EPHA2: variants seen among roughly 807,000 people sequenced by gnomAD.
EPHA2 encodes the protein EPH receptor A2.
In EPHA2, 54 loss-of-function variants were observed where a neutral mutation model predicts 104.9. That is an observed-to-expected ratio of 0.51 (90% CI 0.41 to 0.65). EPHA2 has a LOEUF of 0.65. Ranked by LOEUF, EPHA2 falls within the 30% of genes least tolerant of loss-of-function variation. The probability of loss-of-function intolerance (pLI) is 0.00; values close to 1 mark genes in which losing one functional copy is unlikely to be tolerated. For missense variants in EPHA2, 1,117 were observed against 1,369.5 expected (o/e 0.82, Z 2.91); for synonymous variants, 560 against 559.1 (o/e 1.00, Z -0.02).
chr1:16,155,024 C>T (rs1481916664), intron 1 of EPHA2, among the ~76,000 whole-genome samples: 6 of 152,102 alleles, frequency 3.9e-5, no homozygotes, highest in African/African-American at 1.4e-4. Context: ...GTCTGCGGCC[C>T]CTCACTCGGC....
rs115050365 is a variant in EPHA2 at position 16,129,364 on chromosome 1, G to T, written c.2825+70C>A. On this transcript the variant is annotated intron_variant, in intron 16 of 16. Coordinates refer to ENST00000358432, the MANE Select transcript of EPHA2 (RefSeq NM_004431.5). ...ATTGAGGGGCAGGGAAGAGGGCTGG[G>T]GGGGGCATGGAGGCAGCCTCTGGAG... 8.7e-4 allele frequency: 1,358 copies of T among 1,557,966 alleles called. 12 individuals carry two copies. In the African/African-American group the frequency reaches 0.015, roughly 18 times the overall value.
chr1:16,140,759 C>T (rs1296285762), intron 3 of EPHA2, among the ~76,000 whole-genome samples: 1 of 152,224 alleles, frequency 6.6e-6, no homozygotes, highest in East Asian at 1.9e-4. Flanking sequence ...GCTGGAACTA[C>T]AGGCACCGGC....
chr1:16,150,593 T>C lies in EPHA2; in HGVS notation c.153+303A>G, dbSNP rs2025015172. On this transcript the variant is annotated intron_variant, in intron 2 of 16. Coordinates refer to ENST00000358432, the MANE Select transcript of EPHA2 (RefSeq NM_004431.5). The surrounding 1 kb of genome is among the most constrained non-coding windows in gnomAD (Gnocchi z 4.8). ...GTGGATGGGTGGTGCCAGAGATCCC[T>C]CTGACTGTCAGCCCTTCTGGAACAT... Among the ~76,000 whole-genome samples the C allele has an allele frequency of 6.6e-6, 1 of 152,192 alleles. No individual in the cohort carries two copies. The highest frequency in any genetic ancestry group is 2.4e-5 in the African/African-American group (1 of 41,452).
rs1557505623 is a variant in EPHA2 at position 16,135,022 on chromosome 1, G to T, written c.1582+14C>A. 1 of 1,611,024 alleles carries T rather than the reference G, an allele frequency of 6.2e-7. No homozygotes were observed. Among genetic ancestry groups the T allele is most frequent in the Admixed American group, 1.7e-5 (1 of 60,024 alleles). ...GGCCCTGGCCTGGTCCATGCCCAGG[G>T]TCCCCCAACTCACACAGCGTCTGGA... On this transcript the variant is annotated intron_variant, in intron 7 of 16. Coordinates refer to ENST00000358432, the MANE Select transcript of EPHA2 (RefSeq NM_004431.5). The surrounding 1 kb of genome is among the most constrained non-coding windows in gnomAD (Gnocchi z 4.3).
Position 16,134,445 on chromosome 1 carries a change from CCAGGGTATGGGCT to C in EPHA2, c.1682+10_1682+22del. On this transcript the variant is annotated intron_variant, in intron 8 of 16. Coordinates refer to ENST00000358432, the MANE Select transcript of EPHA2 (RefSeq NM_004431.5). This position sits in a 1 kb window ranked among gnomAD's most constrained non-coding sequence, Gnocchi z 4.5. ...TTTTCCCACCCAAGCCCATGTGGAG[CCAGGGTATGGGCT>C]CTGACGAACCTGCGGTGGATAAAGA... 2 of 1,612,226 alleles carry C rather than the reference CCAGGGTATGGGCT, an allele frequency of 1.2e-6. No homozygotes were observed.
In EPHA2 at chr1:16,132,386, AC is replaced by A. The variant is rs1232588744; in HGVS notation, c.2106del (p.Lys702AsnfsTer26). ...ACAACCCACATCCTTACCCGAAGGA[AC>A]TTGTCCAGGGCCCCATTCTCCATGT... ...TEYMENGALD[K>X]FLREKDGEFS... is the part of the protein sequence containing the mutation. On this transcript the variant is annotated frameshift_variant, in exon 12 of 17. Coordinates refer to ENST00000358432, the MANE Select transcript of EPHA2 (RefSeq NM_004431.5). LOFTEE classifies it high-confidence loss of function. The A allele has an allele frequency of 6.2e-7, 1 of 1,614,008 alleles. No homozygotes were observed. The highest frequency in any genetic ancestry group is 8.5e-7 in the Non-Finnish European group (1 of 1,180,012).
rs2024569862 is a variant in EPHA2, at chr1:16,131,579, T to C, written c.2475+142A>G. On this transcript the variant is annotated intron_variant, in intron 14 of 16. Coordinates refer to ENST00000358432, the MANE Select transcript of EPHA2 (RefSeq NM_004431.5). This position sits in a 1 kb window ranked among gnomAD's most constrained non-coding sequence, Gnocchi z 5.2. ...TGGGCAACAAGAGCAAAACTCCGTC[T>C]CCAAAAAAAAAAAATAAACATTTAT... is the stretch of plus-strand genomic sequence containing the variant. The C allele has an allele frequency of 1.7e-6, 2 of 1,184,560 alleles. No homozygotes were observed. Among genetic ancestry groups the C allele is most frequent in the South Asian group, 1.6e-5 (1 of 63,486 alleles). The allele number at this position is 1,184,560 out of a possible 1,614,324, so 73.4% of individuals were successfully genotyped here. A position where few individuals can be genotyped will look rare whatever the true frequency, so the allele number is the denominator to read the frequency against.
intron 3 of EPHA2, among the ~76,000 whole-genome samples, chr1:16,143,563 G>A (rs752176835): frequency 1.3e-5 from 2 of 152,078 alleles, no homozygotes; most frequent in East Asian, 1.9e-4. Context: ...CCTGATGCCC[G>A]CCCCTCAGGT....
chr1:16,127,851 C>T (rs1028905733), intron 16 of EPHA2, among the ~76,000 whole-genome samples: 7 of 152,224 alleles, frequency 4.6e-5, no homozygotes, highest in African/African-American at 1.4e-4. Context: ...CCATCCAAGA[C>T]TGCCCCGTCC....
Position 16,132,199 on chromosome 1 carries a change from C to G in EPHA2, c.2190G>C (p.Leu730=), listed in dbSNP as rs1394157269. ...LRGIAAGMKY[L]ANMNYVHRDL... ...CACGGTGCACATAGTTCATGTTGGC[C>G]AGGTACTTCATGCCAGCTGCGATGC... Residue 730 remains leucine, a synonymous_variant, in exon 13 of 17, where the codon CTG becomes CTC. Transcript: ENST00000358432. 6.2e-7 allele frequency: 1 copy of G among 1,614,074 alleles called. No individual in the cohort carries two copies.
At chr1:16,138,718 G>A (rs557610247) in intron 3 of EPHA2, among the ~76,000 whole-genome samples, 1 of 152,286 alleles carries the variant, frequency 6.6e-6, no homozygotes, top group African/African-American at 2.4e-5. Flanking sequence ...GGCATTCAAG[G>A]CCATACCTCG....
chr1:16,148,476 T>A lies in EPHA2; in HGVS notation c.725A>T (p.Glu242Val), dbSNP rs568771755. The change falls in exon 3 of 17, where the codon GAG (glutamate) becomes GTG (valine). Residue 242 changes from glutamate to valine, a missense_variant. By Grantham distance (121) the Glu-to-Val change is moderately radical. Coordinates refer to ENST00000358432, the MANE Select transcript of EPHA2 (RefSeq NM_004431.5). This position sits in a 1 kb window ranked among gnomAD's most constrained non-coding sequence, Gnocchi z 4.9. ...ATCCACTGCACAGTGCATACGGGGC[T>A]CTTCACCCCCCGGTGGCACCACGGC... The part of the protein sequence containing the change: ...DHAVVPPGGE[E>V]PRMHCAVDGE... 1 of 1,613,874 alleles carries A rather than the reference T, an allele frequency of 6.2e-7. No homozygotes were observed. The highest frequency in any genetic ancestry group is 1.3e-5 in the African/African-American group (1 of 75,078).
At chr1:16,140,892 C>T (rs769907465) in intron 3 of EPHA2, among the ~76,000 whole-genome samples, 5 of 152,096 alleles carry the variant, frequency 3.3e-5, no homozygotes, top group African/African-American at 4.8e-5. Context: ...TGAGCCACCG[C>T]GTCCGGCCTA....
intron 1 of EPHA2, chr1:16,153,460 C>T (rs2025084584): frequency 2.7e-6 from 1 of 368,688 alleles, no homozygotes; most frequent in South Asian, 1.1e-4. Context: ...CAGCCCTCTT[C>T]CCATCAGCAG....
chr1:16,154,824 C>T (rs1018881476), intron 1 of EPHA2, among the ~76,000 whole-genome samples: 5 of 151,970 alleles, frequency 3.3e-5, no homozygotes, highest in South Asian at 2.1e-4. Context: ...CGGCTTCCCC[C>T]TTGTGGAGCC....
Position 16,134,454 on chromosome 1 carries a change from G to A in EPHA2, c.1682+14C>T. On this transcript the variant is annotated intron_variant, in intron 8 of 16. Transcript: ENST00000358432. The surrounding 1 kb of genome is among the most constrained non-coding windows in gnomAD (Gnocchi z 4.5). ...CCAAGCCCATGTGGAGCCAGGGTAT[G>A]GGCTCTGACGAACCTGCGGTGGATA... 6.2e-7 allele frequency: 1 copy of A among 1,613,694 alleles called. No homozygotes were observed. Among genetic ancestry groups the A allele is most frequent in the Non-Finnish European group, 8.5e-7 (1 of 1,179,742 alleles).
At position 16,134,460 on chromosome 1, in the gene EPHA2, T is replaced by C; in HGVS notation, c.1682+8A>G. On this transcript the variant is annotated splice_region_variant and intron_variant, in intron 8 of 16. Coordinates refer to ENST00000358432, the MANE Select transcript of EPHA2 (RefSeq NM_004431.5). This position sits in a 1 kb window ranked among gnomAD's most constrained non-coding sequence, Gnocchi z 4.5. ...CCATGTGGAGCCAGGGTATGGGCTCTGACGAACCTGCGGTGGATAAAGAAG... is the reference window on the plus strand; with the variant it reads ...CCATGTGGAGCCAGGGTATGGGCTCCGACGAACCTGCGGTGGATAAAGAAG... 1 of 1,613,988 alleles carries C rather than the reference T, an allele frequency of 6.2e-7. No homozygotes were observed. Among genetic ancestry groups the C allele is most frequent in the Non-Finnish European group, 8.5e-7 (1 of 1,179,972 alleles).
Position 16,137,887 on chromosome 1 carries a change from G to A in EPHA2, c.1278C>T (p.Ser426=), listed in dbSNP as rs1234991364. Residue 426 remains serine, a synonymous_variant, in exon 5 of 17, where the codon AGC becomes AGT. Coordinates refer to ENST00000358432, the MANE Select transcript of EPHA2 (RefSeq NM_004431.5). The stretch of plus-strand genomic sequence containing the variant: ...TGATGCTGACACTGGCAGTACGGAA[G>A]CTGCGGCTGGTTACCAGGCCTGAGA... ...NGVSGLVTSR[S]FRTASVSINQ... 1.9e-6 allele frequency: 3 copies of A among 1,613,862 alleles called. No individual in the cohort carries two copies. Among genetic ancestry groups the A allele is most frequent in the Admixed American group, 1.7e-5 (1 of 60,032 alleles).
intron 15 of EPHA2, 109 bp from the exon 16 acceptor site, chr1:16,129,698 G>T: frequency 7.1e-7 from 1 of 1,405,846 alleles, no homozygotes; most frequent in Non-Finnish European, 9.5e-7. Context: ...CCGTGCCTCC[G>T]TCTCCTTATC....
Sources: allele counts gnomAD v4.1 joint callset (sites outside exome capture counted in the v4.1 genomes callset), GRCh38; gene constraint gnomAD v4.1.1; non-coding constraint Gnocchi (gnomAD v3.1); transcripts MANE v1.5; gene names NCBI Gene and HGNC (gene_info 2026-07-23, HGNC 2026-07-21).